NXPH1: variants seen among roughly 807,000 people sequenced by gnomAD.
NXPH1 encodes the protein neurexophilin-1.
In NXPH1, 5 loss-of-function variants were observed where a neutral mutation model predicts 23.7. The ratio of observed to expected loss-of-function variants is 0.21; its 90% CI spans 0.11 to 0.44. The LOEUF (loss-of-function observed/expected upper bound fraction) is 0.44, where lower values mean the gene tolerates loss of function less well. Among genes scored for constraint, NXPH1 ranks in the 20% least tolerant of loss-of-function variants. NXPH1 has a pLI of 0.99. For missense variants in NXPH1, 324 were observed against 321.6 expected (o/e 1.01, Z -0.06); for synonymous variants, 144 against 122.2 (o/e 1.18, Z -1.18).
chr7:8,449,130 G>A (rs1420480708), intron 2 of NXPH1, among the ~76,000 whole-genome samples: 2 of 152,212 alleles, frequency 1.3e-5, no homozygotes, highest in African/African-American at 2.4e-5. Context: ...TTGGCCAGGG[G>A]GCTTTTTCCT....
At chr7:8,712,608 T>G (rs2115198820) in intron 2 of NXPH1, among the ~76,000 whole-genome samples, 1 of 152,328 alleles carries the variant, frequency 6.6e-6, no homozygotes, top group East Asian at 1.9e-4. Context: ...TAAAAAATCC[T>G]AGAATAATAA....
intron 2 of NXPH1, among the ~76,000 whole-genome samples, chr7:8,510,637 G>T (rs1253572522): frequency 3.3e-5 from 5 of 152,096 alleles, no homozygotes; most frequent in Non-Finnish European, 7.4e-5. Context: ...AGCATGGAAA[G>T]CCTGCTCCTT....
At chr7:8,677,711 A>C (rs757871537) in intron 2 of NXPH1, among the ~76,000 whole-genome samples, 1 of 152,232 alleles carries the variant, frequency 6.6e-6, no homozygotes. Flanking sequence ...TTAAAAGGAA[A>C]TGCAAATGCA....
At chr7:8,687,700 G>A (rs1821168648) in intron 2 of NXPH1, among the ~76,000 whole-genome samples, 1 of 152,100 alleles carries the variant, frequency 6.6e-6, no homozygotes, top group South Asian at 2.1e-4. Flanking sequence ...ACCTTGATGA[G>A]ATTTTTACGG....
At chr7:8,493,056 T>G (rs1817277156) in intron 2 of NXPH1, among the ~76,000 whole-genome samples, 1 of 151,994 alleles carries the variant, frequency 6.6e-6, no homozygotes, top group Non-Finnish European at 1.5e-5. Context: ...GGATCTTATC[T>G]TGGGGCAGCA....
chr7:8,627,724 A>T (rs1456830773), intron 2 of NXPH1, among the ~76,000 whole-genome samples: 1 of 152,172 alleles, frequency 6.6e-6, no homozygotes, highest in African/African-American at 2.4e-5. Flanking sequence ...GTCAAATTGC[A>T]CTTCAATGGA....
chr7:8,522,895 G>A (rs541269590), intron 2 of NXPH1, among the ~76,000 whole-genome samples: 10 of 152,316 alleles, frequency 6.6e-5, no homozygotes, highest in Non-Finnish European at 1.3e-4. Context: ...CTTCCCCTTA[G>A]AAAGTGTTAC....
rs965976293 is a variant in NXPH1, at chr7:8,681,622, G to A, written c.55-69386G>A. Among the ~76,000 whole-genome samples the A allele has an allele frequency of 1.8e-4, 27 of 152,044 alleles. 1 individual carries two copies. The highest frequency in any genetic ancestry group is 2.9e-5 in the Non-Finnish European group (2 of 68,012). ...GTAAAGGGCAATTACAATACTTCAG[G>A]CATTTCTTCAGTGTTAACAGTCATA... On this transcript the variant is annotated intron_variant, in intron 2 of 2. Transcript: ENST00000405863.
chr7:8,534,668 T>C (rs1818001064), intron 2 of NXPH1, among the ~76,000 whole-genome samples: 2 of 152,114 alleles, frequency 1.3e-5, no homozygotes, highest in South Asian at 2.1e-4. Context: ...AATAACAGTA[T>C]CTTACATTTA....
chr7:8,616,864 A>C (rs994421154), intron 2 of NXPH1, among the ~76,000 whole-genome samples: 1 of 151,852 alleles, frequency 6.6e-6, no homozygotes, highest in African/African-American at 2.4e-5. Flanking sequence ...AAAAAAAAAA[A>C]AAACCACTCT....
At chr7:8,739,171 TAAAAAAAAAAAAAAAAAAAA>T (rs34593997) in intron 2 of NXPH1, among the ~76,000 whole-genome samples, 3 of 54,044 alleles carry the variant, frequency 5.6e-5, no homozygotes, top group African/African-American at 2.3e-4. Flanking sequence ...ACCAGTGGGG[TAAAAAAAAAAAAAAAAAAAA>T]AAAAAAAAAA....
chr7:8,598,717 G>A (rs1488307649), intron 2 of NXPH1, among the ~76,000 whole-genome samples: 1 of 152,088 alleles, frequency 6.6e-6, no homozygotes, highest in Non-Finnish European at 1.5e-5. Context: ...TGTTATTATT[G>A]TCATGATCTG....
intron 2 of NXPH1, among the ~76,000 whole-genome samples, chr7:8,515,785 A>G (rs1351212933): frequency 1.3e-5 from 2 of 152,140 alleles, no homozygotes; most frequent in Admixed American, 1.3e-4. Context: ...CACGTCTGTA[A>G]ACTCACATGT....
At chr7:8,650,812 C>T (rs140742959) in intron 2 of NXPH1, among the ~76,000 whole-genome samples, 130 of 152,146 alleles carry the variant, frequency 8.5e-4, no homozygotes, top group African/African-American at 2.6e-3. Flanking sequence ...CTAATACAGA[C>T]GTAAGTAGTA....
chr7:8,452,734 T>C (rs1051720936), intron 2 of NXPH1, among the ~76,000 whole-genome samples: 1 of 152,146 alleles, frequency 6.6e-6, no homozygotes, highest in Non-Finnish European at 1.5e-5. Flanking sequence ...CATATCTCAG[T>C]TTTCCTAAAT....
chr7:8,620,758 G>A (rs6963664), intron 2 of NXPH1, among the ~76,000 whole-genome samples: 43,316 of 152,074 alleles, frequency 0.28, 6,601 homozygotes, highest in African/African-American at 0.36. Context: ...TGAAGTTACC[G>A]TCACTAAAAA....
chr7:8,619,353 T>C (rs1023999721), intron 2 of NXPH1, among the ~76,000 whole-genome samples: 2 of 152,220 alleles, frequency 1.3e-5, no homozygotes, highest in African/African-American at 4.8e-5. Context: ...TAACATTTGT[T>C]GCTGCATCTG....
At chr7:8,745,230 T>C (rs1390273877) in intron 2 of NXPH1, among the ~76,000 whole-genome samples, 2 of 152,218 alleles carry the variant, frequency 1.3e-5, no homozygotes, top group East Asian at 1.9e-4. Context: ...AAATTGTGTA[T>C]AATTATGGTG....
In NXPH1 at chr7:8,620,563, C is replaced by A. The variant is rs181657629; in HGVS notation, c.55-130445C>A. Among the ~76,000 whole-genome samples, 27 of 152,304 alleles carry A rather than the reference C, an allele frequency of 1.8e-4. No individual in the cohort carries two copies. In the East Asian group the frequency reaches 4.3e-3, roughly 24 times the overall value. ...TCTGGAAGCATGCAGGCTGAGGCTG[C>A]TGCCACCAGCCTGACTCCTCATGTA... On this transcript the variant is annotated intron_variant, in intron 2 of 2. Coordinates refer to ENST00000405863, the MANE Select transcript of NXPH1 (RefSeq NM_152745.3).
Sources: allele counts gnomAD v4.1 joint callset (sites outside exome capture counted in the v4.1 genomes callset), GRCh38; gene constraint gnomAD v4.1.1; transcripts MANE v1.5; gene names NCBI Gene and HGNC (gene_info 2026-07-23, HGNC 2026-07-21).